PABPC4L: variants seen among roughly 807,000 people sequenced by gnomAD.
PABPC4L encodes poly(A) binding protein cytoplasmic 4 like, also known as polyadenylate-binding protein 4-like.
For synonymous variants in PABPC4L, 169 were observed against 164.1 expected, an observed-to-expected ratio of 1.03 and a Z score of -0.23; for missense variants, 452 against 451.4, an observed-to-expected ratio of 1.00 and a Z score of -0.01.
the PABPC4L span, among the ~76,000 whole-genome samples, chr4:134,063,275 G>T: frequency 1.3e-5 from 2 of 151,968 alleles, no homozygotes; most frequent in Non-Finnish European, 2.9e-5. Flanking sequence ...GTTGGTTTGA[G>T]GGGACAAAAT....
At chr4:134,012,083 A>C in the PABPC4L span, among the ~76,000 whole-genome samples, 2 of 152,070 alleles carry the variant, frequency 1.3e-5, no homozygotes, top group African/African-American at 2.4e-5. Context: ...GAGTCTGTCT[A>C]TCTGGTTTGA....
the PABPC4L span, among the ~76,000 whole-genome samples, chr4:134,048,410 T>C: frequency 2.0e-5 from 3 of 152,226 alleles, no homozygotes; most frequent in East Asian, 5.8e-4. Flanking sequence ...AAATGTGCTT[T>C]CATGAGGAAT....
chr4:134,179,945 T>A, the PABPC4L span, among the ~76,000 whole-genome samples: 2 of 152,070 alleles, frequency 1.3e-5, no homozygotes, highest in African/African-American at 4.8e-5. Context: ...GTGGGATACT[T>A]TAACACATTA....
the PABPC4L span, among the ~76,000 whole-genome samples, chr4:134,050,794 TGA>T: frequency 1.4e-5 from 2 of 147,838 alleles, no homozygotes; most frequent in African/African-American, 2.5e-5. Context: ...GGTTCAGATG[TGA>T]GAGTCTTTGA....
At chr4:134,029,984 C>T in the PABPC4L span, among the ~76,000 whole-genome samples, 3 of 151,958 alleles carry the variant, frequency 2.0e-5, no homozygotes, top group African/African-American at 7.2e-5. Context: ...TCCCCTTTGG[C>T]TCAACTCTTT....
chr4:134,016,871 C>G, the PABPC4L span, among the ~76,000 whole-genome samples: 2 of 152,088 alleles, frequency 1.3e-5, no homozygotes, highest in African/African-American at 4.8e-5. Context: ...CCATCAAGCT[C>G]GGGGATTTGT....
At chr4:134,137,887 A>G in the PABPC4L span, among the ~76,000 whole-genome samples, 2 of 151,838 alleles carry the variant, frequency 1.3e-5, no homozygotes, top group Non-Finnish European at 2.9e-5. Context: ...ATTATAAAAT[A>G]TATGGCTTTT....
At chr4:134,070,319 G>A in the PABPC4L span, among the ~76,000 whole-genome samples, 2 of 152,124 alleles carry the variant, frequency 1.3e-5, no homozygotes, top group African/African-American at 4.8e-5. Context: ...CAGCGGCAGT[G>A]TGGTGGGGTG....
chr4:133,991,305 C>T, the PABPC4L span, among the ~76,000 whole-genome samples: 1 of 152,112 alleles, frequency 6.6e-6, no homozygotes, highest in African/African-American at 2.4e-5. Flanking sequence ...TGCCTTACAT[C>T]TGCTGTTAAA....
the PABPC4L span, among the ~76,000 whole-genome samples, chr4:134,096,219 G>T: frequency 2.0e-5 from 3 of 151,984 alleles, no homozygotes; most frequent in East Asian, 1.9e-4. Context: ...AGAAATGTCG[G>T]TTTTTTTCAA....
At chr4:134,003,732 G>C in the PABPC4L span, among the ~76,000 whole-genome samples, 1 of 151,786 alleles carries the variant, frequency 6.6e-6, no homozygotes, top group Non-Finnish European at 1.5e-5. Flanking sequence ...AATGACAATA[G>C]AACAGATGGC....
chr4:133,949,678 A>G, the PABPC4L span, among the ~76,000 whole-genome samples: 1 of 152,100 alleles, frequency 6.6e-6, no homozygotes, highest in Non-Finnish European at 1.5e-5. Flanking sequence ...AGCACTTGTT[A>G]GGGACCTTCC....
At chr4:134,071,991 C>T in the PABPC4L span, among the ~76,000 whole-genome samples, 1 of 151,932 alleles carries the variant, frequency 6.6e-6, no homozygotes, top group East Asian at 1.9e-4. Flanking sequence ...GAGAATTTAG[C>T]ATACTGACAA....
At chr4:134,074,640 C>A in the PABPC4L span, among the ~76,000 whole-genome samples, 1 of 152,108 alleles carries the variant, frequency 6.6e-6, no homozygotes, top group Non-Finnish European at 1.5e-5. Flanking sequence ...TGGAGAAATA[C>A]CCAACACTGG....
At chr4:134,111,016 A>G in the PABPC4L span, among the ~76,000 whole-genome samples, 2 of 151,960 alleles carry the variant, frequency 1.3e-5, no homozygotes, top group African/African-American at 4.8e-5. Context: ...AATATCTGAG[A>G]TTGGGTTATT....
At chr4:134,014,759 A>T in the PABPC4L span, among the ~76,000 whole-genome samples, 2 of 151,340 alleles carry the variant, frequency 1.3e-5, no homozygotes, top group Non-Finnish European at 2.9e-5. Flanking sequence ...TACAAAGCCT[A>T]CCCACTCCAC....
chr4:134,066,520 G>T, the PABPC4L span, among the ~76,000 whole-genome samples: 1 of 152,002 alleles, frequency 6.6e-6, no homozygotes, highest in Non-Finnish European at 1.5e-5. Context: ...TCCCTATTTG[G>T]ATGCCTTTTA....
chr4:134,120,499 A>T, the PABPC4L span, among the ~76,000 whole-genome samples: 1 of 150,424 alleles, frequency 6.6e-6, no homozygotes, highest in African/African-American at 2.4e-5. Context: ...TCCTTCCAAG[A>T]TCCCCTTATT....
the PABPC4L span, among the ~76,000 whole-genome samples, chr4:133,985,766 T>A: frequency 6.6e-6 from 1 of 152,192 alleles, no homozygotes; most frequent in Non-Finnish European, 1.5e-5. Flanking sequence ...AATAAATTAT[T>A]CTTGAATCCC....
Sources: allele counts gnomAD v4.1 joint callset (sites outside exome capture counted in the v4.1 genomes callset), GRCh38; gene constraint gnomAD v4.1.1; transcripts MANE v1.5; gene names NCBI Gene and HGNC (gene_info 2026-07-23, HGNC 2026-07-21).